Variants in JMJD1C observed in about 807,000 individuals in gnomAD.
JMJD1C encodes the protein jumonji domain-containing protein 1C.
JMJD1C carries 31 observed loss-of-function variants against 245.3 expected under a neutral mutation model. The observed-to-expected ratio is 0.13, with a 90% CI of 0.09 to 0.17. JMJD1C has a LOEUF of 0.17. JMJD1C is among the 10% of genes least tolerant of loss of function. JMJD1C has a pLI of 1.00. For missense variants in JMJD1C, 2,691 were observed against 3,000.2 expected (o/e 0.90, Z 2.41); for synonymous variants, 1,057 against 1,017.4 (o/e 1.04, Z -0.74).
At chr10:63,492,669 T>C (rs1039160529) in intron 1 of JMJD1C, among the ~76,000 whole-genome samples, 1 of 152,080 alleles carries the variant, frequency 6.6e-6, no homozygotes, top group Admixed American at 6.6e-5. Flanking sequence ...AGTGAGGCTC[T>C]GTCTCAAAAC....
chr10:63,242,153 G>C (rs1366241835), intron 3 of JMJD1C, among the ~76,000 whole-genome samples: 3 of 152,116 alleles, frequency 2.0e-5, no homozygotes, highest in Non-Finnish European at 4.4e-5. Flanking sequence ...TATACTAAGG[G>C]CTAGGGTGAT....
intron 10 of JMJD1C, 46 bp downstream of exon 10, chr10:63,206,549 A>C: frequency 2.1e-6 from 3 of 1,457,930 alleles, no homozygotes; most frequent in Non-Finnish European, 2.8e-6. Context: ...TATAGCTAAA[A>C]CATTCAGCCC....
chr10:63,398,606 C>G (rs1359840980), intron 1 of JMJD1C, among the ~76,000 whole-genome samples: 3 of 151,554 alleles, frequency 2.0e-5, no homozygotes, highest in African/African-American at 7.3e-5. Context: ...TAATGATATT[C>G]TAACTATAAT....
chr10:63,340,178 G>A (rs1672886604), intron 2 of JMJD1C, among the ~76,000 whole-genome samples: 1 of 152,166 alleles, frequency 6.6e-6, no homozygotes, highest in South Asian at 2.1e-4. Context: ...GACCTCATGT[G>A]ACAATTCACA....
At chr10:63,305,991 G>A (rs570826058) in intron 2 of JMJD1C, among the ~76,000 whole-genome samples, 35 of 151,968 alleles carry the variant, frequency 2.3e-4, no homozygotes, top group Non-Finnish European at 4.9e-4. Flanking sequence ...CCTAAATACT[G>A]GGATTAAAGG....
intron 2 of JMJD1C, among the ~76,000 whole-genome samples, chr10:63,339,214 A>G (rs965105258): frequency 2.0e-5 from 3 of 152,216 alleles, no homozygotes; most frequent in African/African-American, 7.2e-5. Context: ...CACTGAAGAG[A>G]CTTGCTGCAC....
chr10:63,234,617 C>T (rs1850491186), intron 3 of JMJD1C, among the ~76,000 whole-genome samples: 2 of 149,746 alleles, frequency 1.3e-5, no homozygotes, highest in Admixed American at 6.6e-5. Context: ...CGTTAAAGGC[C>T]TATAAAAAGA....
chr10:63,331,199 A>G (rs1483695192), intron 2 of JMJD1C, among the ~76,000 whole-genome samples: 2 of 152,180 alleles, frequency 1.3e-5, no homozygotes, highest in African/African-American at 4.8e-5. Context: ...TCTGGTTTCA[A>G]ACATAACACT....
intron 1 of JMJD1C, among the ~76,000 whole-genome samples, chr10:63,414,735 TAAC>T (rs544045429): frequency 2.9e-4 from 44 of 151,576 alleles, no homozygotes; most frequent in Non-Finnish European, 5.7e-4. Context: ...TTGCTAAAAA[TAAC>T]AACAACAACA....
chr10:63,324,508 T>C (rs1210999082), intron 2 of JMJD1C, among the ~76,000 whole-genome samples: 1 of 152,196 alleles, frequency 6.6e-6, no homozygotes, highest in Non-Finnish European at 1.5e-5. Context: ...TGTATTATTC[T>C]ATATTGACTA....
At chr10:63,497,464 G>A (rs1954399406) in intron 1 of JMJD1C, among the ~76,000 whole-genome samples, 1 of 152,164 alleles carries the variant, frequency 6.6e-6, no homozygotes, top group Non-Finnish European at 1.5e-5. Flanking sequence ...AGAGACAGAA[G>A]GATATTAGCG....
chr10:63,323,455 G>C (rs1054775844), intron 2 of JMJD1C, among the ~76,000 whole-genome samples: 6 of 152,166 alleles, frequency 3.9e-5, no homozygotes, highest in African/African-American at 1.4e-4. Context: ...AGGAGGCTGA[G>C]GTTGCAGTGA....
chr10:63,309,437 T>C (rs963388720), intron 2 of JMJD1C, among the ~76,000 whole-genome samples: 34 of 126,628 alleles, frequency 2.7e-4, no homozygotes, highest in African/African-American at 1.1e-3. Context: ...GAGGTTGCAG[T>C]GAGCCAAGAT....
intron 2 of JMJD1C, among the ~76,000 whole-genome samples, chr10:63,373,205 A>C (rs1946448012): frequency 6.6e-6 from 1 of 152,228 alleles, no homozygotes; most frequent in Non-Finnish European, 1.5e-5. Context: ...CTACAGCATT[A>C]GAATGGCCTC....
intron 1 of JMJD1C, among the ~76,000 whole-genome samples, chr10:63,503,534 C>T (rs987395718): frequency 2.6e-5 from 4 of 152,124 alleles, no homozygotes; most frequent in African/African-American, 9.7e-5. Flanking sequence ...GGTTTCTATA[C>T]CAGTAATGTG....
At chr10:63,364,490 A>C (rs1182111158) in intron 2 of JMJD1C, among the ~76,000 whole-genome samples, 1 of 152,054 alleles carries the variant, frequency 6.6e-6, no homozygotes, top group African/African-American at 2.4e-5. Flanking sequence ...GAGGAAGCAA[A>C]GATAAGCAGG....
intron 2 of JMJD1C, among the ~76,000 whole-genome samples, chr10:63,350,606 G>A (rs1361176564): frequency 2.2e-5 from 3 of 139,532 alleles, no homozygotes; most frequent in African/African-American, 8.2e-5. Flanking sequence ...CTAGTGAGCT[G>A]CAGAACCAAC....
intron 3 of JMJD1C, among the ~76,000 whole-genome samples, chr10:63,259,556 A>G (rs1854433956): frequency 6.6e-6 from 1 of 152,210 alleles, no homozygotes; most frequent in Admixed American, 6.5e-5. Flanking sequence ...CAGCCAATAA[A>G]TTTATATGAT....
Position 63,297,122 on chromosome 10 carries a change from G to A in JMJD1C, c.334-32358C>T, listed in dbSNP as rs1047700397. 2.0e-5 allele frequency among the ~76,000 whole-genome samples: 3 copies of A among 152,160 alleles called. No homozygotes were observed. In the East Asian group the frequency reaches 5.8e-4, roughly 29 times the overall value. ...AGTTTAGTTGTGTCGACAGCGAAGT[G>A]TTTATTTAAAAACATTAAATAAACC... On this transcript the variant is annotated intron_variant, in intron 2 of 25. Coordinates refer to ENST00000399262, the MANE Select transcript of JMJD1C (RefSeq NM_032776.3).
Sources: gnomAD v4.1 joint callset for allele counts (sites outside exome capture counted in the v4.1 genomes callset) on GRCh38, gnomAD v4.1.1 for gene constraint, MANE v1.5 for transcripts, NCBI Gene and HGNC (gene_info 2026-07-23, HGNC 2026-07-21) for gene names.